The following PPP5C variants were observed in gnomAD, a reference collection of about 807,000 sequenced individuals.
PPP5C encodes the protein serine/threonine-protein phosphatase 5.
A neutral mutation model predicts 66.7 loss-of-function variants in PPP5C; 21 were observed. The observed-to-expected ratio is 0.31, with a 90% CI of 0.22 to 0.45. The LOEUF (loss-of-function observed/expected upper bound fraction) is 0.45. Among genes scored for constraint, PPP5C ranks in the 20% least tolerant of loss-of-function variants. PPP5C has a pLI of 1.00. For synonymous variants in PPP5C, 246 were observed against 257.4 expected, an observed-to-expected ratio of 0.96 and a Z score of 0.43; for missense variants, 464 against 675.9, an observed-to-expected ratio of 0.69 and a Z score of 3.48.
chr19:46,380,820 C>G (rs1449422487), intron 4 of PPP5C, among the ~76,000 whole-genome samples: 1 of 152,054 alleles, frequency 6.6e-6, no homozygotes, highest in Non-Finnish European at 1.5e-5. Context: ...TTTTTCTTCA[C>G]TGGTTTTAAG....
Position 46,390,937 on chromosome 19 carries a change from A to G in PPP5C, c.*591A>G, listed in dbSNP as rs999579322. Reference sequence around the variant, plus strand: ...AGATCCGGAGGGTGGGGAGGCCGCAAAGTCCCGCTGGCCGGGCCCACCCAG... The same window carrying G: ...AGATCCGGAGGGTGGGGAGGCCGCAGAGTCCCGCTGGCCGGGCCCACCCAG... On this transcript the variant is annotated 3_prime_UTR_variant, in exon 13 of 13. Coordinates refer to ENST00000012443, the MANE Select transcript of PPP5C (RefSeq NM_006247.4). 2.6e-6 allele frequency: 3 copies of G among 1,173,432 alleles called. No homozygotes were observed. The African/African-American group carries it at 4.8e-5, about 19-fold the overall frequency. The allele number at this position is 1,173,432 out of a possible 1,614,324, so 72.7% of individuals were successfully genotyped here. A position where few individuals can be genotyped will look rare whatever the true frequency, so the allele number is the denominator to read the frequency against.
At chr19:46,347,270 G>A in intron 1 of PPP5C, 53 bp downstream of exon 1, 1 of 1,534,150 alleles carries the variant, frequency 6.5e-7, no homozygotes, top group South Asian at 1.2e-5. Flanking sequence ...AGGGGTGCCG[G>A]GCCCGCGCGG....
At chr19:46,365,332 G>A (rs1972472246) in intron 2 of PPP5C, among the ~76,000 whole-genome samples, 2 of 151,354 alleles carry the variant, frequency 1.3e-5, no homozygotes, top group African/African-American at 4.9e-5. Flanking sequence ...TGGCTAGGCT[G>A]GTTTCAAATG....
At chr19:46,384,760 C>G in intron 6 of PPP5C, 44 bp from the exon 7 acceptor site, 8 of 1,303,122 alleles carry the variant, frequency 6.1e-6, no homozygotes, top group Non-Finnish European at 8.9e-6. Context: ...CACCGCACCG[C>G]ACCCTTCCCC....
chr19:46,361,975 T>C (rs1972400758), intron 2 of PPP5C, among the ~76,000 whole-genome samples: 1 of 152,316 alleles, frequency 6.6e-6, no homozygotes, highest in Admixed American at 6.5e-5. Context: ...CTCCCTACTT[T>C]CCATATCTAT....
chr19:46,374,797 C>A (rs1183351916), intron 2 of PPP5C, among the ~76,000 whole-genome samples: 1 of 152,126 alleles, frequency 6.6e-6, no homozygotes, highest in Non-Finnish European at 1.5e-5. Flanking sequence ...TCCCAGTGGC[C>A]CTCTTGAGGG....
chr19:46,360,461 ATTTGAAATTAGATTTTTC>A (rs1245742126), intron 2 of PPP5C, among the ~76,000 whole-genome samples: 9 of 151,704 alleles, frequency 5.9e-5, no homozygotes, highest in African/African-American at 7.3e-5. Flanking sequence ...TAATTTTAGA[ATTTGAAATTAGATTTTTC>A]TTTGAAATTA....
intron 2 of PPP5C, 107 bp from the exon 3 acceptor site, chr19:46,375,497 A>G: frequency 6.7e-7 from 1 of 1,484,448 alleles, no homozygotes; most frequent in East Asian, 2.4e-5. Flanking sequence ...CCTGGCGCCC[A>G]GGCGGTCTGA....
At chr19:46,364,840 C>T (rs563319045) in intron 2 of PPP5C, among the ~76,000 whole-genome samples, 6 of 151,730 alleles carry the variant, frequency 4.0e-5, no homozygotes, top group East Asian at 3.9e-4. Context: ...GGGTATCTCA[C>T]GCCGCTGGGT....
intron 7 of PPP5C, among the ~76,000 whole-genome samples, chr19:46,385,545 C>T (rs1972867762): frequency 6.6e-6 from 1 of 152,076 alleles, no homozygotes; most frequent in Admixed American, 6.5e-5. Context: ...TTTGGGAGGC[C>T]AAGGCAGGTG....
intron 2 of PPP5C, among the ~76,000 whole-genome samples, chr19:46,371,805 C>T (rs1436672267): frequency 6.6e-6 from 1 of 152,246 alleles, no homozygotes; most frequent in African/African-American, 2.4e-5. Context: ...CCCCCAGCTG[C>T]CTGCATGCCT....
chr19:46,365,109 A>G (rs1001510170), intron 2 of PPP5C, among the ~76,000 whole-genome samples: 1 of 152,140 alleles, frequency 6.6e-6, no homozygotes, highest in Non-Finnish European at 1.5e-5. Context: ...CGGTCTCCCA[A>G]GTAGCTGGGA....
chr19:46,375,888 G>A, intron 3 of PPP5C, 137 bp downstream of exon 3: 2 of 1,399,804 alleles, frequency 1.4e-6, no homozygotes, highest in Non-Finnish European at 1.9e-6. Context: ...TCCTCTGCCT[G>A]TGTTCCAGGG....
chr19:46,390,272 C>G lies in PPP5C; in HGVS notation c.1438-12C>G. ...CTGACTTCTGTCCATCCCACCTGCCCTGGTCCCACAGCCTCATCCCAACGT... is the reference window on the plus strand; with the variant it reads ...CTGACTTCTGTCCATCCCACCTGCCGTGGTCCCACAGCCTCATCCCAACGT... On this transcript the variant is annotated splice_polypyrimidine_tract_variant and intron_variant, in intron 12 of 12. Coordinates refer to ENST00000012443, the MANE Select transcript of PPP5C (RefSeq NM_006247.4). 6.3e-7 allele frequency: 1 copy of G among 1,593,358 alleles called. No homozygotes were observed. Among genetic ancestry groups the G allele is most frequent in the Non-Finnish European group, 8.5e-7 (1 of 1,169,836 alleles).
chr19:46,347,760 A>G (rs532366139), intron 1 of PPP5C, among the ~76,000 whole-genome samples: 1 of 152,114 alleles, frequency 6.6e-6, no homozygotes. Context: ...ATCCTTAAGA[A>G]TAGTATCACT....
rs764400968 is a variant in PPP5C at position 46,390,633 on chromosome 19, G to A, written c.*287G>A. 1.3e-5 allele frequency: 17 copies of A among 1,303,202 alleles called. No homozygotes were observed. Among genetic ancestry groups the A allele is most frequent in the Non-Finnish European group, 1.5e-5 (15 of 1,015,436 alleles). 80.7% of individuals were successfully genotyped at this position (1,303,202 alleles called of 1,614,324 possible). On this transcript the variant is annotated 3_prime_UTR_variant, in exon 13 of 13. Coordinates refer to ENST00000012443, the MANE Select transcript of PPP5C (RefSeq NM_006247.4). ...GCCGTCCTCGGGGTGGGGTGGGGCC[G>A]AGTGGCTGCCCTGCCCCCCTCATTT...
chr19:46,379,534 A>G (rs924148899), intron 4 of PPP5C, among the ~76,000 whole-genome samples: 4 of 152,248 alleles, frequency 2.6e-5, no homozygotes, highest in African/African-American at 4.8e-5. Context: ...ATGTTTAACT[A>G]TCAGCAATCA....
At position 46,383,260 on chromosome 19, in the gene PPP5C, G is replaced by T. The variant is rs776385593; in HGVS notation, c.634-151G>T. 15 of 1,544,612 alleles carry T rather than the reference G, an allele frequency of 9.7e-6. No individual in the cohort carries two copies. In the Middle Eastern group the frequency reaches 1.7e-3, roughly 172 times the overall value. Reference sequence around the variant, plus strand: ...GCTGCCTCCGGCCCCGCCTGCTCCCGCTCCCCCAGGCCTGCCCTGCCCTTT... The same window carrying T: ...GCTGCCTCCGGCCCCGCCTGCTCCCTCTCCCCCAGGCCTGCCCTGCCCTTT... On this transcript the variant is annotated intron_variant, in intron 4 of 12. Transcript: ENST00000012443. This position sits in a 1 kb window ranked among gnomAD's most constrained non-coding sequence, Gnocchi z 5.0.
intron 4 of PPP5C, among the ~76,000 whole-genome samples, chr19:46,378,258 A>G (rs150872035): frequency 6.6e-6 from 1 of 152,156 alleles, no homozygotes; most frequent in Non-Finnish European, 1.5e-5. Flanking sequence ...GATTTTATCC[A>G]TAGATTATTG....
Sources: allele counts gnomAD v4.1 joint callset (sites outside exome capture counted in the v4.1 genomes callset), GRCh38; gene constraint gnomAD v4.1.1; non-coding constraint Gnocchi (gnomAD v3.1); transcripts MANE v1.5; gene names NCBI Gene and HGNC (gene_info 2026-07-23, HGNC 2026-07-21).